CCSER1: variants seen among roughly 807,000 people sequenced by gnomAD.
The protein encoded by CCSER1 is serine-rich coiled-coil domain-containing protein 1.
Under a neutral mutation model 82.0 loss-of-function variants are expected in CCSER1, and 41 were observed. The ratio of observed to expected loss-of-function variants is 0.50; its 90% confidence interval spans 0.39 to 0.65. The LOEUF (loss-of-function observed/expected upper bound fraction) is 0.65. Ranked by LOEUF, CCSER1 falls within the 30% of genes least tolerant of loss-of-function variation. The probability of loss-of-function intolerance (pLI) is 0.00; values close to 1 mark genes in which losing one functional copy is unlikely to be tolerated. For synonymous variants in CCSER1, 414 were observed against 383.9 expected (o/e 1.08, Z -0.92); for missense variants, 1,119 against 1,064.2 (o/e 1.05, Z -0.72).
intron 10 of CCSER1, among the ~76,000 whole-genome samples, chr4:91,217,957 C>T (rs529979219): frequency 1.6e-4 from 24 of 152,368 alleles, no homozygotes; most frequent in South Asian, 1.2e-3. Flanking sequence ...GCCAGTCCTG[C>T]GCTGTGAGCT....
intron 10 of CCSER1, among the ~76,000 whole-genome samples, chr4:91,388,947 GTTAAAT>G (rs1310653683): frequency 2.0e-5 from 3 of 151,858 alleles, no homozygotes; most frequent in African/African-American, 7.2e-5. Context: ...TTTTCTTATT[GTTAAAT>G]TTTAAGTATT....
At chr4:91,429,476 TTC>T (rs1230319700) in intron 10 of CCSER1, among the ~76,000 whole-genome samples, 2 of 152,006 alleles carry the variant, frequency 1.3e-5, no homozygotes, top group African/African-American at 4.8e-5. Context: ...ACGTGCCCAA[TTC>T]TGTTACCATT....
At chr4:91,094,535 G>A (rs1216326582) in intron 10 of CCSER1, among the ~76,000 whole-genome samples, 2 of 152,142 alleles carry the variant, frequency 1.3e-5, no homozygotes, top group South Asian at 2.1e-4. Flanking sequence ...AGGTAGGAGG[G>A]GGGTGTTCCA....
intron 10 of CCSER1, among the ~76,000 whole-genome samples, chr4:91,593,592 G>C (rs560693183): frequency 1.3e-5 from 2 of 150,848 alleles, no homozygotes; most frequent in East Asian, 4.0e-4. Context: ...GATTACAGGC[G>C]TGAGCCACAG....
intron 5 of CCSER1, among the ~76,000 whole-genome samples, chr4:90,565,800 G>A (rs569108028): frequency 2.1e-4 from 31 of 151,000 alleles, no homozygotes; most frequent in South Asian, 8.4e-4. Flanking sequence ...TTAATATGAT[G>A]TGTCATATTT....
intron 3 of CCSER1, among the ~76,000 whole-genome samples, chr4:90,331,573 C>A (rs1367939643): frequency 1.3e-5 from 2 of 152,126 alleles, no homozygotes; most frequent in Non-Finnish European, 2.9e-5. Flanking sequence ...CACAAGGACA[C>A]CTTACTAGAA....
chr4:91,504,764 A>T (rs1003551843), intron 10 of CCSER1, among the ~76,000 whole-genome samples: 7 of 152,164 alleles, frequency 4.6e-5, no homozygotes, highest in African/African-American at 1.7e-4. Flanking sequence ...CAAACAAAAC[A>T]TGACTAAATA....
In CCSER1 at chr4:90,308,943, A is replaced by G. The variant is rs929452063; in HGVS notation, c.659A>G (p.Glu220Gly). Residue 220 changes from glutamate (E) to glycine (G), a missense_variant, in exon 2 of 11, where the codon GAA (glutamate) becomes GGA (glycine). Glu to Gly is a moderately conservative substitution (Grantham distance 98). Transcript: ENST00000509176. Reference protein sequence around the residue: ...SLEVTQYQEREPVLVRASPSC... With the variant: ...SLEVTQYQERGPVLVRASPSC... ...GAAGTTACACAGTACCAAGAGAGAG[A>G]ACCTGTATTAGTAAGAGCTTCGCCA... is the stretch of plus-strand genomic sequence containing the variant. 1 of 1,613,804 alleles carries G rather than the reference A, an allele frequency of 6.2e-7. No homozygotes were observed. The highest frequency in any genetic ancestry group is 8.5e-7 in the Non-Finnish European group (1 of 1,179,812).
intron 7 of CCSER1, among the ~76,000 whole-genome samples, chr4:90,785,088 G>A (rs984660535): frequency 3.3e-5 from 5 of 152,154 alleles, no homozygotes; most frequent in Non-Finnish European, 7.3e-5. Context: ...TTGAGATGGA[G>A]TGCAGTGGCA....
rs550629786 is a variant in CCSER1, at chr4:91,536,323, A to C, written c.2218-62249A>C. Reference sequence around the variant, plus strand: ...GGTATACATATTCATAATTTCCAGAAGTTCAATTTGTATTTAGATCATGTT... The same window carrying C: ...GGTATACATATTCATAATTTCCAGACGTTCAATTTGTATTTAGATCATGTT... On this transcript the variant is annotated intron_variant, in intron 10 of 10. Transcript: ENST00000509176. 4.6e-5 allele frequency among the ~76,000 whole-genome samples: 7 copies of C among 152,214 alleles called. No individual in the cohort carries two copies. In the East Asian group the frequency reaches 1.4e-3, roughly 29 times the overall value.
chr4:90,804,658 T>A (rs1194787809), intron 7 of CCSER1, among the ~76,000 whole-genome samples: 2 of 152,186 alleles, frequency 1.3e-5, no homozygotes, highest in Non-Finnish European at 2.9e-5. Flanking sequence ...TTTATGGATT[T>A]TACTTGCTTT....
chr4:91,557,035 G>T (rs1762438903), intron 10 of CCSER1, among the ~76,000 whole-genome samples: 1 of 150,968 alleles, frequency 6.6e-6, no homozygotes, highest in Non-Finnish European at 1.5e-5. Context: ...GAAAATAAAT[G>T]TTTTCTGTGA....
At chr4:91,191,504 C>T (rs1414899363) in intron 10 of CCSER1, among the ~76,000 whole-genome samples, 1 of 152,144 alleles carries the variant, frequency 6.6e-6, no homozygotes, top group Non-Finnish European at 1.5e-5. Context: ...TGTATTAGAG[C>T]ATCTCCCATT....
intron 5 of CCSER1, among the ~76,000 whole-genome samples, chr4:90,487,739 G>A (rs1006201736): frequency 6.6e-6 from 1 of 152,032 alleles, no homozygotes; most frequent in Non-Finnish European, 1.5e-5. Context: ...TGCGCCTCTG[G>A]GTTCAAGCGA....
intron 3 of CCSER1, among the ~76,000 whole-genome samples, chr4:90,337,582 A>G (rs937093666): frequency 2.0e-5 from 3 of 151,738 alleles, no homozygotes; most frequent in Non-Finnish European, 2.9e-5. Flanking sequence ...ATAGATAGTA[A>G]TTAATACTAA....
rs543632298 is a variant in CCSER1, at chr4:90,155,457, C to G, written c.-42+27626C>G. Among the ~76,000 whole-genome samples the G allele has an allele frequency of 1.5e-3, 227 of 152,250 alleles. 2 individuals carry two copies. Among genetic ancestry groups the G allele is most frequent in the African/African-American group, 5.3e-3 (219 of 41,544 alleles). On this transcript the variant is annotated intron_variant, in intron 1 of 10. Transcript: ENST00000509176. ...TGGAATAGTTTCAGAAGGAATGGTA[C>G]CAGTTCCTCCTTGTACCTCTGGTAG...
Position 90,383,727 on chromosome 4 carries a change from CT to C in CCSER1, c.1510-16306del, listed in dbSNP as rs554516243. ...TAAGCAAACTATATAATTTTTCTTCCTTTCTTTTTTTTTTCTTTTTTAAATA... is the reference window on the plus strand; with the variant it reads ...TAAGCAAACTATATAATTTTTCTTCCTTCTTTTTTTTTTCTTTTTTAAATA... On this transcript the variant is annotated intron_variant, in intron 3 of 10. Transcript: ENST00000509176. Among the ~76,000 whole-genome samples, 1,215 of 131,100 alleles carry C rather than the reference CT, an allele frequency of 9.3e-3. 14 individuals are homozygous for C. Among genetic ancestry groups the C allele is most frequent in the African/African-American group, 0.034 (1,169 of 33,956 alleles). 86.0% of individuals were successfully genotyped at this position (131,100 alleles called of 152,430 possible).
chr4:91,157,161 A>G (rs891473319), intron 10 of CCSER1, among the ~76,000 whole-genome samples: 1 of 151,988 alleles, frequency 6.6e-6, no homozygotes, highest in African/African-American at 2.4e-5. Context: ...TACTCTAGAT[A>G]GAATGATCCT....
In CCSER1 at chr4:90,972,165, A is replaced by G. The variant is rs565498275; in HGVS notation, c.2172+48718A>G. ...GCAATTAAACAAGAAAAAGAAAGAA[A>G]GACAACCAAATTAGGAAGAAGAAAA... On this transcript the variant is annotated intron_variant, in intron 9 of 10. Transcript: ENST00000509176. 8.6e-5 allele frequency among the ~76,000 whole-genome samples: 13 copies of G among 151,968 alleles called. 1 individual carries two copies. In the South Asian group the frequency reaches 2.7e-3, roughly 32 times the overall value.
Sources: allele counts gnomAD v4.1 joint callset (sites outside exome capture counted in the v4.1 genomes callset), GRCh38; gene constraint gnomAD v4.1.1; transcripts MANE v1.5; gene names NCBI Gene and HGNC (gene_info 2026-07-23, HGNC 2026-07-21).